Variants in RIMS2 observed in about 807,000 individuals in gnomAD.
The protein encoded by RIMS2 is regulating synaptic membrane exocytosis 2, also known as regulating synaptic membrane exocytosis protein 2.
In RIMS2, 59 loss-of-function variants were observed where a neutral mutation model predicts 174.4. The observed-to-expected ratio is 0.34, with a 90% CI of 0.27 to 0.42. The LOEUF is 0.42. Among genes scored for constraint, RIMS2 ranks in the 10% least tolerant of loss-of-function variants. The pLI is 1.00. For missense variants in RIMS2, 1,620 were observed against 1,666.3 expected (o/e 0.97, Z 0.48); for synonymous variants, 606 against 572.5 (o/e 1.06, Z -0.84).
chr8:103,684,869 G>T (rs1041336222), intron 1 of RIMS2, among the ~76,000 whole-genome samples: 2 of 152,068 alleles, frequency 1.3e-5, no homozygotes, highest in Non-Finnish European at 1.5e-5. Flanking sequence ...TTACAGGCAT[G>T]AGCCACTTCA....
intron 19 of RIMS2, among the ~76,000 whole-genome samples, chr8:104,240,461 A>G (rs1015255602): frequency 1.5e-4 from 23 of 152,224 alleles, no homozygotes; most frequent in Non-Finnish European, 2.5e-4. Context: ...TGAAAAATAA[A>G]TTACTTTTAA....
At chr8:103,975,667 G>T in intron 16 of RIMS2, 161 bp downstream of exon 18, 1 of 527,864 alleles carries the variant, frequency 1.9e-6, no homozygotes, top group Non-Finnish European at 3.3e-6. Flanking sequence ...ATTTCTGCAA[G>T]CTGGGGAAGG....
intron 19 of RIMS2, among the ~76,000 whole-genome samples, chr8:104,123,337 A>G (rs2098400770): frequency 6.6e-6 from 1 of 152,058 alleles, no homozygotes; most frequent in South Asian, 2.1e-4. Context: ...AGTCTGGTAC[A>G]CAGAAAAATC....
chr8:103,721,808 A>G (rs1009298060), intron 2 of RIMS2, among the ~76,000 whole-genome samples: 3 of 152,196 alleles, frequency 2.0e-5, no homozygotes, highest in African/African-American at 7.2e-5. Context: ...TGAGCTCTTA[A>G]AGTGGGAGAA....
intron 1 of RIMS2, among the ~76,000 whole-genome samples, chr8:103,562,180 C>T (rs2091693117): frequency 6.6e-6 from 1 of 152,176 alleles, no homozygotes; most frequent in South Asian, 2.1e-4. Context: ...TCCTGCCTTC[C>T]TAACAGTCTC....
At chr8:103,966,659 G>A (rs2091905793) in intron 15 of RIMS2, among the ~76,000 whole-genome samples, 2 of 151,744 alleles carry the variant, frequency 1.3e-5, no homozygotes, top group African/African-American at 2.4e-5. Context: ...TGCTTACTTT[G>A]CATTTAATTT....
At chr8:104,160,657 G>A (rs375485374) in intron 19 of RIMS2, among the ~76,000 whole-genome samples, 1 of 151,990 alleles carries the variant, frequency 6.6e-6, no homozygotes, top group Non-Finnish European at 1.5e-5. Flanking sequence ...TATTCTTATG[G>A]TATTTTAATC....
chr8:103,821,306 A>T (rs1284967406), intron 3 of RIMS2, among the ~76,000 whole-genome samples: 2 of 151,710 alleles, frequency 1.3e-5, no homozygotes, highest in African/African-American at 4.8e-5. Context: ...GCTGCTCTTA[A>T]ACATAAGATT....
At position 104,044,528 on chromosome 8, in the gene RIMS2, C is replaced by CAAA. The variant is rs34056405; in HGVS notation, c.3334+29922_3334+29924dup. Among the ~76,000 whole-genome samples the CAAA allele has an allele frequency of 6.9e-4, 89 of 129,694 alleles. 2 individuals are homozygous for CAAA. Among genetic ancestry groups the CAAA allele is most frequent in the Middle Eastern group, 4.1e-3 (1 of 246 alleles). 85.1% of individuals were successfully genotyped at this position (129,694 alleles called of 152,430 possible). ...TTAATAATGGAAGCAACTTTTCTTA[C>CAAA]AAAAAAAAAAATGGTATCTAGGATG... On this transcript the variant is annotated intron_variant, in intron 19 of 23. Transcript: ENST00000504942.
chr8:104,093,590 C>T (rs1292890661), intron 19 of RIMS2: 1 of 1,597,440 alleles, frequency 6.3e-7, no homozygotes, highest in Non-Finnish European at 8.5e-7. Flanking sequence ...GTTTCAGCAG[C>T]ACAAGCTACA....
intron 19 of RIMS2, among the ~76,000 whole-genome samples, chr8:104,021,820 G>GT: frequency 6.6e-6 from 1 of 152,328 alleles, no homozygotes; most frequent in East Asian, 1.9e-4. Context: ...AGAATAACGA[G>GT]TTAGAGTCAC....
intron 14 of RIMS2, among the ~76,000 whole-genome samples, chr8:103,958,902 T>A (rs960820789): frequency 5.9e-5 from 9 of 152,156 alleles, no homozygotes; most frequent in Non-Finnish European, 1.3e-4. Context: ...TGCCTGTTCA[T>A]ATAGTAGTGA....
chr8:103,700,412 C>G (rs1259971859), intron 2 of RIMS2, among the ~76,000 whole-genome samples: 1 of 151,812 alleles, frequency 6.6e-6, no homozygotes, highest in Admixed American at 6.6e-5. Context: ...CTCTGTCTCT[C>G]TGTCTCTCTC....
At chr8:104,034,802 A>G (rs1242268963) in intron 19 of RIMS2, among the ~76,000 whole-genome samples, 1 of 152,096 alleles carries the variant, frequency 6.6e-6, no homozygotes, top group East Asian at 1.9e-4. Flanking sequence ...AATTGACATC[A>G]GTATAGATAA....
intron 1 of RIMS2, among the ~76,000 whole-genome samples, chr8:103,608,985 G>A (rs1371825868): frequency 6.6e-6 from 1 of 152,192 alleles, no homozygotes; most frequent in Admixed American, 6.5e-5. Context: ...GTAGACCGGA[G>A]CTGTTCCTAT....
At chr8:104,036,916 G>C (rs928798551) in intron 19 of RIMS2, among the ~76,000 whole-genome samples, 3 of 152,016 alleles carry the variant, frequency 2.0e-5, no homozygotes, top group East Asian at 1.9e-4. Flanking sequence ...TTTTATGTAA[G>C]TATAGTGAAT....
rs532412853 is a variant in RIMS2, at chr8:104,062,663, C to T, written c.3334+48048C>T. Reference sequence around the variant, plus strand: ...CTTTAGGTGAGCCAATAGCTGTATACACTGATGATACGTTTTTATTCACTG... The same window carrying T: ...CTTTAGGTGAGCCAATAGCTGTATATACTGATGATACGTTTTTATTCACTG... On this transcript the variant is annotated intron_variant, in intron 19 of 23. Transcript: ENST00000504942. Among the ~76,000 whole-genome samples the T allele has an allele frequency of 2.6e-5, 4 of 152,242 alleles. No individual in the cohort carries two copies. In the South Asian group the frequency reaches 8.3e-4, roughly 32 times the overall value.
intron 3 of RIMS2, among the ~76,000 whole-genome samples, chr8:103,865,295 T>TC (rs1018405129): frequency 5.5e-5 from 8 of 146,186 alleles, no homozygotes; most frequent in African/African-American, 2.0e-4. Flanking sequence ...TTTTTTTTTT[T>TC]TTTTTTTGAG....
intron 3 of RIMS2, among the ~76,000 whole-genome samples, chr8:103,823,308 TAGAC>T (rs1470924223): frequency 6.6e-6 from 1 of 151,932 alleles, no homozygotes; most frequent in Non-Finnish European, 1.5e-5. Flanking sequence ...AAAATATTAG[TAGAC>T]AGAAGAATAT....
Sources: gnomAD v4.1 joint callset for allele counts (sites outside exome capture counted in the v4.1 genomes callset) on GRCh38, gnomAD v4.1.1 for gene constraint, MANE v1.5 for transcripts, NCBI Gene and HGNC (gene_info 2026-07-23, HGNC 2026-07-21) for gene names.